TRIM58: variants seen among roughly 807,000 people sequenced by gnomAD.
TRIM58 encodes tripartite motif containing 58.
TRIM58 carries 38 observed loss-of-function variants against 34.1 expected under a neutral mutation model. The observed-to-expected ratio is 1.12, with a 90% confidence interval of 0.86 to 1.46. The LOEUF is 1.46. Among genes scored for constraint, TRIM58 ranks in the 40% most tolerant of loss-of-function variants. The pLI, the probability that TRIM58 is intolerant of heterozygous loss-of-function variation, is 0.00. For missense variants in TRIM58, 677 were observed against 642.0 expected (o/e 1.05, Z -0.59); for synonymous variants, 273 against 275.7 (o/e 0.99, Z 0.10).
chr1:247,860,792 C>T, intron 2 of TRIM58, 80 bp downstream of exon 2: 2 of 1,099,258 alleles, frequency 1.8e-6, no homozygotes, highest in East Asian at 2.4e-5. Flanking sequence ...TACCATCTTC[C>T]ATTCTCCAGC....
intron 1 of TRIM58, among the ~76,000 whole-genome samples, chr1:247,858,233 G>A (rs1663686681): frequency 6.6e-6 from 1 of 152,154 alleles, no homozygotes; most frequent in African/African-American, 2.4e-5. Flanking sequence ...TCCATCAGCA[G>A]GGATTTGGGG....
intron 2 of TRIM58, among the ~76,000 whole-genome samples, chr1:247,863,339 A>G (rs1240422419): frequency 6.6e-6 from 1 of 152,154 alleles, no homozygotes; most frequent in East Asian, 1.9e-4. Context: ...GGAGTTTGAG[A>G]CCAGCCTGAC....
rs1174894506 is a variant in TRIM58 at position 247,878,975 on chromosome 1, C to T, written c.*2486C>T. On this transcript the variant is annotated 3_prime_UTR_variant, in exon 6 of 6. Coordinates refer to ENST00000366481, the MANE Select transcript of TRIM58 (RefSeq NM_015431.4). The stretch of plus-strand genomic sequence containing the variant: ...AAGATTGCCACTATTTCCTCTGGAA[C>T]TTTGTTTCGTTACCAGCAAAATCCT... Among the ~76,000 whole-genome samples, 1 of 152,186 alleles carries T rather than the reference C, an allele frequency of 6.6e-6. No individual in the cohort carries two copies. Among genetic ancestry groups the T allele is most frequent in the Non-Finnish European group, 1.5e-5 (1 of 68,038 alleles).
In TRIM58 at chr1:247,879,215, T is replaced by G. The variant is rs1022096656; in HGVS notation, c.*2726T>G. Among the ~76,000 whole-genome samples, 1 of 152,210 alleles carries G rather than the reference T, an allele frequency of 6.6e-6. No individual in the cohort carries two copies. Among genetic ancestry groups the G allele is most frequent in the Non-Finnish European group, 1.5e-5 (1 of 68,048 alleles). On this transcript the variant is annotated 3_prime_UTR_variant, in exon 6 of 6. Transcript: ENST00000366481. ...ATGGCAACTCCATTCTTTTGATTGC[T>G]TAAGCCAGGCATCCGATTGAGTACT...
At chr1:247,868,094 C>T in intron 5 of TRIM58, 31 bp downstream of exon 5, 1 of 1,556,188 alleles carries the variant, frequency 6.4e-7, no homozygotes, top group Non-Finnish European at 8.8e-7. Flanking sequence ...GGGAATTAGG[C>T]TGCCTGGGGT....
intron 3 of TRIM58, 31 bp downstream of exon 3, chr1:247,864,966 T>C (rs1663888098): frequency 6.5e-7 from 1 of 1,531,236 alleles, no homozygotes; most frequent in African/African-American, 1.4e-5. Context: ...AGCAGGCAGA[T>C]GTGAGACTCA....
At chr1:247,865,657 G>A (rs974038362) in intron 3 of TRIM58, among the ~76,000 whole-genome samples, 1 of 152,210 alleles carries the variant, frequency 6.6e-6, no homozygotes, top group African/African-American at 2.4e-5. Flanking sequence ...AGAGCAGAAA[G>A]ACGAGTAAGA....
intron 5 of TRIM58, among the ~76,000 whole-genome samples, chr1:247,869,313 G>T (rs1028863902): frequency 2.8e-5 from 4 of 143,858 alleles, no homozygotes; most frequent in Admixed American, 7.1e-5. Flanking sequence ...CTTCAGAGGT[G>T]GGGGGGGGTG....
chr1:247,875,956 C>G lies in TRIM58; in HGVS notation c.928C>G (p.Leu310Val), dbSNP rs201041380. Reference sequence around the variant, plus strand: ...CCCGAGTCTGCTCTTGACCGCCGACCTGCGCAGTGTGCAGGATGGAGAACC... The same window carrying G: ...CCCGAGTCTGCTCTTGACCGCCGACGTGCGCAGTGTGCAGGATGGAGAACC... ...AHPSLLLTAD[L>V]RSVQDGEPWR... The change falls in exon 6 of 6, where the codon CTG becomes GTG. Residue 310 changes from leucine (L) to valine (V), a missense_variant. By Grantham distance (32) the Leu-to-Val change is conservative (BLOSUM62 1). Transcript: ENST00000366481. The G allele has an allele frequency of 9.9e-6, 16 of 1,614,226 alleles. No homozygotes were observed. Among genetic ancestry groups the G allele is most frequent in the Non-Finnish European group, 1.1e-5 (13 of 1,180,048 alleles).
At chr1:247,872,592 T>A (rs535520449) in intron 5 of TRIM58, among the ~76,000 whole-genome samples, 1 of 152,332 alleles carries the variant, frequency 6.6e-6, no homozygotes, top group East Asian at 1.9e-4. Flanking sequence ...CAAATGTTGC[T>A]ATCAAGTGGG....
Position 247,857,509 on chromosome 1 carries a change from G to C in TRIM58, c.263G>C (p.Gly88Ala). The C allele has an allele frequency of 7.7e-7, 1 of 1,293,420 alleles. No individual in the cohort carries two copies. The highest frequency in any genetic ancestry group is 9.8e-7 in the Non-Finnish European group (1 of 1,023,008). 80.1% of individuals were successfully genotyped at this position (1,293,420 alleles called of 1,614,324 possible). ...LVESVRRLGL[G>A]AGPGARRCAR... ...GAGAGCGTGCGGCGGCTGGGGTTGG[G>C]CGCGGGGCCCGGGGCGCGGCGATGC... Residue 88 changes from glycine to alanine, a missense_variant, in exon 1 of 6, where the codon GGC becomes GCC. By Grantham distance (60) the Gly-to-Ala change is moderately conservative. Transcript: ENST00000366481.
chr1:247,865,844 T>A (rs371414354), intron 3 of TRIM58, among the ~76,000 whole-genome samples: 3 of 152,260 alleles, frequency 2.0e-5, no homozygotes, highest in East Asian at 3.9e-4. Flanking sequence ...CTAAACTAAG[T>A]GATGCATGTT....
rs1164774474 is a variant in TRIM58 at position 247,878,632 on chromosome 1, G to A, written c.*2143G>A. 6.6e-6 allele frequency among the ~76,000 whole-genome samples: 1 copy of A among 152,150 alleles called. No homozygotes were observed. The highest frequency in any genetic ancestry group is 1.5e-5 in the Non-Finnish European group (1 of 68,030). On this transcript the variant is annotated 3_prime_UTR_variant, in exon 6 of 6. Coordinates refer to ENST00000366481, the MANE Select transcript of TRIM58 (RefSeq NM_015431.4). ...CCTTCCCACAGGGATCAGGTGGGTGGCTTGAGATACCCCTTCCATGGGGCA... is the reference window on the plus strand; with the variant it reads ...CCTTCCCACAGGGATCAGGTGGGTGACTTGAGATACCCCTTCCATGGGGCA...
chr1:247,864,043 T>C (rs935969214), intron 2 of TRIM58, among the ~76,000 whole-genome samples: 8 of 152,238 alleles, frequency 5.3e-5, no homozygotes, highest in African/African-American at 1.7e-4. Context: ...TTCTAGCGAC[T>C]GATCTAGTAG....
rs755397625 is a variant in TRIM58, at chr1:247,857,461, A to G, written c.215A>G (p.Asn72Ser). ...GPFRPSGFRP[N>S]RQLAGLVESV... Reference sequence around the variant, plus strand: ...TTCCGGCCCTCGGGCTTTCGCCCCAACCGGCAGCTGGCGGGCCTGGTGGAG... The same window carrying G: ...TTCCGGCCCTCGGGCTTTCGCCCCAGCCGGCAGCTGGCGGGCCTGGTGGAG... Residue 72 changes from asparagine to serine, a missense_variant, in exon 1 of 6, where the codon AAC (asparagine) becomes AGC (serine). Physicochemically the swap from Asn to Ser is conservative, Grantham distance 46 (BLOSUM62 1). Transcript: ENST00000366481. 51 of 1,388,726 alleles carry G rather than the reference A, an allele frequency of 3.7e-5. No individual in the cohort carries two copies. The South Asian group carries it at 4.4e-4, about 12-fold the overall frequency. 86.0% of individuals were successfully genotyped at this position (1,388,726 alleles called of 1,614,324 possible). A position where few individuals can be genotyped will look rare whatever the true frequency, so the allele number is the denominator to read the frequency against.
In TRIM58 at chr1:247,857,260, C is replaced by G; in HGVS notation, c.14C>G (p.Pro5Arg). 2 of 1,328,308 alleles carry G rather than the reference C, an allele frequency of 1.5e-6. No homozygotes were observed. Among genetic ancestry groups the G allele is most frequent in the Non-Finnish European group, 1.9e-6 (2 of 1,031,724 alleles). The allele number at this position is 1,328,308 out of a possible 1,614,324, so 82.3% of individuals were successfully genotyped here. ...GGGAGGCGGGTCATGGCCTGGGCGC[C>G]GCCCGGGGAGCGGCTGCGCGAGGAT... MAWA[P>R]PGERLREDAR... The change falls in exon 1 of 6, where the codon CCG becomes CGG. Residue 5 changes from proline (P) to arginine (R), a missense_variant. Pro to Arg is a moderately radical substitution (Grantham distance 103). Transcript: ENST00000366481.
rs1382362648 is a variant in TRIM58 at position 247,878,222 on chromosome 1, T to C, written c.*1733T>C. 2 of 151,700 alleles carry C rather than the reference T, an allele frequency of 1.3e-5. No homozygotes were observed. The highest frequency in any genetic ancestry group is 1.3e-4 in the Admixed American group (2 of 15,204). The allele number at this position is 151,700 out of a possible 1,614,324, so 9.4% of individuals were successfully genotyped here. On this transcript the variant is annotated 3_prime_UTR_variant, in exon 6 of 6. Coordinates refer to ENST00000366481, the MANE Select transcript of TRIM58 (RefSeq NM_015431.4). ...AAATAAATAAATATTACACAAATGC[T>C]AAAATGTTTAAATGGTAAATGCTTC...
At chr1:247,871,398 A>C (rs12029078) in intron 5 of TRIM58, among the ~76,000 whole-genome samples, 28,141 of 152,178 alleles carry the variant, frequency 0.18, 2,746 homozygotes, top group East Asian at 0.33. Flanking sequence ...TGTCACAAAA[A>C]ATTAGTGTGT....
intron 3 of TRIM58, among the ~76,000 whole-genome samples, chr1:247,867,619 G>A (rs1663959753): frequency 6.6e-6 from 1 of 152,012 alleles, no homozygotes; most frequent in African/African-American, 2.4e-5. Context: ...GCAGGGAGGT[G>A]GAGGTCGCAG....
Sources: allele counts gnomAD v4.1 joint callset (sites outside exome capture counted in the v4.1 genomes callset), GRCh38; gene constraint gnomAD v4.1.1; transcripts MANE v1.5; gene names NCBI Gene and HGNC (gene_info 2026-07-23, HGNC 2026-07-21).